The following POLR3A variants were observed in gnomAD, a reference collection of about 807,000 sequenced individuals.
POLR3A encodes DNA-directed RNA polymerase III subunit RPC1.
POLR3A carries 112 observed loss-of-function variants against 152.8 expected under a neutral mutation model. That is an observed-to-expected ratio of 0.73 (90% CI 0.63 to 0.86). The LOEUF (loss-of-function observed/expected upper bound fraction) is 0.86. Ranked by LOEUF, POLR3A falls within the 40% of genes least tolerant of loss-of-function variation. POLR3A has a pLI of 0.00. For synonymous variants in POLR3A, 615 were observed against 652.1 expected (o/e 0.94, Z 0.87); for missense variants, 1,385 against 1,743.1 (o/e 0.79, Z 3.66).
Position 77,977,702 on chromosome 10 carries a change from A to G in POLR3A, c.4025-76T>C, listed in dbSNP as rs1250645308. The G allele has an allele frequency of 7.7e-6, 10 of 1,293,218 alleles. No homozygotes were observed. In the African/African-American group the frequency reaches 1.0e-4, roughly 13 times the overall value. The allele number at this position is 1,293,218 out of a possible 1,614,324, so 80.1% of individuals were successfully genotyped here. On this transcript the variant is annotated intron_variant, in intron 30 of 30. Transcript: ENST00000372371. ...TTTCACGAAGAAAGACTATTGGCTT[A>G]AGTGTCAGAAAATTAGGATGTGAGT...
chr10:78,020,757 C>T (rs961425997), intron 8 of POLR3A, among the ~76,000 whole-genome samples: 7 of 152,082 alleles, frequency 4.6e-5, no homozygotes, highest in African/African-American at 1.7e-4. Flanking sequence ...CACTGCACTC[C>T]AGCCTGGGCG....
At position 78,010,196 on chromosome 10, in the gene POLR3A, G is replaced by A. The variant is rs967087754; in HGVS notation, c.1643-205C>T. On this transcript the variant is annotated intron_variant, in intron 12 of 30. Coordinates refer to ENST00000372371, the MANE Select transcript of POLR3A (RefSeq NM_007055.4). Reference sequence around the variant, plus strand: ...TTCACTGCTGTATCCCCAGGCAAAAGGGACAGATTCTAAGCCAGACACTAG... The same window carrying A: ...TTCACTGCTGTATCCCCAGGCAAAAAGGACAGATTCTAAGCCAGACACTAG... 1.4e-4 allele frequency among the ~76,000 whole-genome samples: 21 copies of A among 151,742 alleles called. 1 individual carries two copies. Among genetic ancestry groups the A allele is most frequent in the Admixed American group, 1.2e-3 (19 of 15,218 alleles).
At chr10:77,997,112 C>T (rs1350134135) in intron 19 of POLR3A, among the ~76,000 whole-genome samples, 1 of 152,128 alleles carries the variant, frequency 6.6e-6, no homozygotes, top group African/African-American at 2.4e-5. Context: ...AATTCAACAA[C>T]CCTTCATGCT....
At chr10:78,022,412 G>C in intron 5 of POLR3A, 28 bp from the exon 6 acceptor site, 1 of 1,610,680 alleles carries the variant, frequency 6.2e-7, no homozygotes, top group Non-Finnish European at 8.5e-7. Flanking sequence ...GGCAGAAATG[G>C]AGATACTATG....
chr10:78,003,360 C>T (rs1169152888), intron 16 of POLR3A, among the ~76,000 whole-genome samples: 1 of 152,166 alleles, frequency 6.6e-6, no homozygotes, highest in East Asian at 1.9e-4. Context: ...GCTTAAAGAG[C>T]CTTTCTTCCA....
rs112691299 is a variant in POLR3A, at chr10:78,018,170, C to CAA, written c.1290-456_1290-455dup. Reference sequence around the variant, plus strand: ...CAGCCTGAGTGACAGACTGAGACATCAAAAAAAAAAAAAAAAAAACCATGA... The same window carrying CAA: ...CAGCCTGAGTGACAGACTGAGACATCAAAAAAAAAAAAAAAAAAAAACCATGA... On this transcript the variant is annotated intron_variant, in intron 9 of 30. Transcript: ENST00000372371. Among the ~76,000 whole-genome samples the CAA allele has an allele frequency of 4.6e-4, 32 of 69,514 alleles. 1 individual carries two copies. Among genetic ancestry groups the CAA allele is most frequent in the Admixed American group, 9.3e-4 (6 of 6,474 alleles). The allele number at this position is 69,514 out of a possible 152,430, so 45.6% of individuals were successfully genotyped here.
chr10:77,977,492 G>A lies in POLR3A; in HGVS notation c.4159C>T (p.Pro1387Ser), dbSNP rs749609047. Residue 1387 changes from proline to serine, a missense_variant, in exon 31 of 31, where the codon CCC becomes TCC. Pro to Ser is a moderately conservative substitution (Grantham distance 74). This residue lies in a region of POLR3A where 332 missense variants were observed against 400.1 expected (regional missense o/e 0.83). Transcript: ENST00000372371. ...CTTTCTTTGGACTATGTGACAAGGG[G>A]GATGTGGAATTCATTTGTGTCGAAG... ...LIFDTNEFHI[P>S]LVT The A allele has an allele frequency of 9.3e-6, 15 of 1,613,958 alleles. No individual in the cohort carries two copies. The highest frequency in any genetic ancestry group is 1.3e-5 in the Non-Finnish European group (15 of 1,179,984).
At chr10:78,010,971 A>T (rs1162982766) in intron 11 of POLR3A, among the ~76,000 whole-genome samples, 1 of 152,158 alleles carries the variant, frequency 6.6e-6, no homozygotes, top group African/African-American at 2.4e-5. Context: ...CAGCCTCCCA[A>T]GCAGCTGGGA....
In POLR3A at chr10:78,029,477, T is replaced by C. The variant is rs1564625077; in HGVS notation, c.-70A>G. On this transcript the variant is annotated 5_prime_UTR_variant, in exon 1 of 31. Transcript: ENST00000372371. ...TTAGAGAAACGATGCCCCCAGCACC[T>C]CCTGGGGCTGCTTCTGGACTCGCCG... The C allele has an allele frequency of 6.6e-7, 1 of 1,511,864 alleles. No individual in the cohort carries two copies. Among genetic ancestry groups the C allele is most frequent in the Non-Finnish European group, 9.2e-7 (1 of 1,089,576 alleles). The allele number at this position is 1,511,864 out of a possible 1,614,324, so 93.7% of individuals were successfully genotyped here.
At chr10:78,027,181 T>A (rs1847643238) in intron 1 of POLR3A, among the ~76,000 whole-genome samples, 1 of 152,136 alleles carries the variant, frequency 6.6e-6, no homozygotes, top group Non-Finnish European at 1.5e-5. Context: ...AGGAAGAGCA[T>A]CTGAAGTGGA....
intron 19 of POLR3A, among the ~76,000 whole-genome samples, chr10:77,997,374 T>G (rs578233345): frequency 5.3e-5 from 8 of 152,292 alleles, no homozygotes; most frequent in Admixed American, 1.3e-4. Flanking sequence ...AAATTGTCCC[T>G]GTTTGCAGAT....
intron 30 of POLR3A, among the ~76,000 whole-genome samples, chr10:77,978,057 A>G (rs753783350): frequency 6.6e-6 from 1 of 152,240 alleles, no homozygotes; most frequent in Non-Finnish European, 1.5e-5. Flanking sequence ...AGTGAGCAGA[A>G]TACAATCCCC....
intron 11 of POLR3A, 148 bp from the exon 12 acceptor site, chr10:78,010,688 C>T: frequency 1.4e-6 from 1 of 710,258 alleles, no homozygotes; most frequent in Admixed American, 2.0e-5. Flanking sequence ...GGTCTGAATC[C>T]CAGCTTTGTC....
intron 10 of POLR3A, among the ~76,000 whole-genome samples, chr10:78,017,212 C>T (rs757745398): frequency 2.2e-4 from 33 of 151,972 alleles, no homozygotes; most frequent in Non-Finnish European, 4.0e-4. Flanking sequence ...ATCGCTTGAG[C>T]CCAAGAGTTC....
chr10:78,024,773 G>A (rs1163479005), intron 4 of POLR3A, 70 bp from the exon 5 acceptor site: 5 of 1,453,492 alleles, frequency 3.4e-6, no homozygotes, highest in Non-Finnish European at 4.8e-6. Flanking sequence ...ATTGTAGTAT[G>A]GTTAATGAAA....
intron 19 of POLR3A, among the ~76,000 whole-genome samples, chr10:77,995,677 T>C (rs968297191): frequency 7.2e-5 from 11 of 152,062 alleles, no homozygotes; most frequent in Non-Finnish European, 1.6e-4. Context: ...CTGAGTGACC[T>C]ACAAAGAGAC....
At chr10:78,026,355 T>G in intron 1 of POLR3A, 126 bp from the exon 2 acceptor site, 1 of 883,574 alleles carries the variant, frequency 1.1e-6, no homozygotes, top group Non-Finnish European at 1.8e-6. Flanking sequence ...CTACCAGTAT[T>G]AAATATATTT....
intron 10 of POLR3A, among the ~76,000 whole-genome samples, chr10:78,016,451 T>G (rs2131954531): frequency 6.7e-6 from 1 of 148,826 alleles, no homozygotes; most frequent in East Asian, 2.0e-4. Flanking sequence ...CAGTGGCTCA[T>G]GTCTGTAATC....
Position 77,982,722 on chromosome 10 carries a change from GAC to G in POLR3A, c.3523_3524del (p.Val1175HisfsTer40), listed in dbSNP as rs1847159195. Reference protein sequence around the residue: ...VAVHGEAVVCVTPRENSKSSM... With the variant: ...VAVHGEAVVCXTPRENSKSSM... ...AGCTCTTGCTGTTCTCTCTGGGGGTGACACACACCACAGCCTCACCATGAACA... is the reference window on the plus strand; with the variant it reads ...AGCTCTTGCTGTTCTCTCTGGGGGTGACACACCACAGCCTCACCATGAACA... On this transcript the variant is annotated frameshift_variant, in exon 27 of 31. Coordinates refer to ENST00000372371, the MANE Select transcript of POLR3A (RefSeq NM_007055.4). LOFTEE classifies it high-confidence loss of function. 2 of 1,613,684 alleles carry G rather than the reference GAC, an allele frequency of 1.2e-6. No individual in the cohort carries two copies. Among genetic ancestry groups the G allele is most frequent in the Non-Finnish European group, 1.7e-6 (2 of 1,179,848 alleles).
Sources: gnomAD v4.1 joint callset for allele counts (sites outside exome capture counted in the v4.1 genomes callset) on GRCh38, gnomAD v4.1.1 for gene constraint, gnomAD v4.1.1 regional missense constraint, MANE v1.5 for transcripts, NCBI Gene and HGNC (gene_info 2026-07-23, HGNC 2026-07-21) for gene names.